The following CTNNA2 variants were observed in gnomAD, a reference collection of about 807,000 sequenced individuals.
CTNNA2 encodes catenin alpha-2.
A neutral mutation model predicts 101.0 loss-of-function variants in CTNNA2; 42 were observed. That is an observed-to-expected ratio of 0.42 (90% CI 0.32 to 0.54). The LOEUF (loss-of-function observed/expected upper bound fraction) is 0.54. Ranked by LOEUF, CTNNA2 falls within the 20% of genes least tolerant of loss-of-function variation. CTNNA2 has a pLI of 0.14. For synonymous variants in CTNNA2, 450 were observed against 456.4 expected (o/e 0.99, Z 0.18); for missense variants, 871 against 1,223.1 (o/e 0.71, Z 4.29).
At chr2:79,563,559 G>A (rs1379758070) in intron 1 of CTNNA2, among the ~76,000 whole-genome samples, 2 of 152,188 alleles carry the variant, frequency 1.3e-5, no homozygotes, top group Admixed American at 1.3e-4. Flanking sequence ...GTAGGAGTTT[G>A]GGTGGGGCAG....
chr2:79,984,316 G>A (rs1053362680), intron 7 of CTNNA2, among the ~76,000 whole-genome samples: 1 of 152,174 alleles, frequency 6.6e-6, no homozygotes, highest in South Asian at 2.1e-4. Context: ...GCAAGTTAGT[G>A]TTGTTCTGAG....
At chr2:79,292,241 G>T (rs4349372) in intron 2 of CTNNA2, among the ~76,000 whole-genome samples, 2 of 152,002 alleles carry the variant, frequency 1.3e-5, no homozygotes, top group Non-Finnish European at 1.5e-5. Context: ...AGCAGTGTTG[G>T]CTGTGGCAGT....
At chr2:79,256,428 A>G (rs1410118413) in intron 2 of CTNNA2, among the ~76,000 whole-genome samples, 1 of 152,244 alleles carries the variant, frequency 6.6e-6, no homozygotes, top group African/African-American at 2.4e-5. Flanking sequence ...CTCATAGCAG[A>G]CAGTCACTAA....
intron 7 of CTNNA2, among the ~76,000 whole-genome samples, chr2:80,120,111 T>C (rs922580535): frequency 1.3e-5 from 2 of 152,156 alleles, no homozygotes; most frequent in African/African-American, 4.8e-5. Context: ...TAGATCGAAG[T>C]TCCTCAGTGC....
intron 1 of CTNNA2, among the ~76,000 whole-genome samples, chr2:79,645,755 A>G (rs1196918704): frequency 6.6e-6 from 1 of 152,220 alleles, no homozygotes; most frequent in Non-Finnish European, 1.5e-5. Context: ...TTTTCAGAAC[A>G]AATCTTTTAA....
chr2:79,587,449 A>T (rs184215427), intron 1 of CTNNA2, among the ~76,000 whole-genome samples: 1 of 152,002 alleles, frequency 6.6e-6, no homozygotes, highest in African/African-American at 2.4e-5. Context: ...ACTGTGCTGA[A>T]TGCTGCCCAT....
rs553663342 is a variant in CTNNA2, at chr2:79,980,895, T to G, written c.1056+71098T>G. ...ATTCATTTTGCTCATCGTTTACAAATCAACAAAGAAACAATTCTTTCTTTC... is the reference window on the plus strand; with the variant it reads ...ATTCATTTTGCTCATCGTTTACAAAGCAACAAAGAAACAATTCTTTCTTTC... On this transcript the variant is annotated intron_variant, in intron 7 of 18. Coordinates refer to ENST00000402739, the MANE Select transcript of CTNNA2 (RefSeq NM_001282597.3). 5.3e-5 allele frequency among the ~76,000 whole-genome samples: 8 copies of G among 152,260 alleles called. No individual in the cohort carries two copies. In the South Asian group the frequency reaches 1.7e-3, roughly 32 times the overall value.
intron 17 of CTNNA2, among the ~76,000 whole-genome samples, chr2:80,614,667 G>T (rs747996027): frequency 6.6e-6 from 1 of 151,334 alleles, no homozygotes; most frequent in Admixed American, 6.6e-5. Context: ...TTCATTCCAA[G>T]ATTTTTTTTA....
intron 7 of CTNNA2, among the ~76,000 whole-genome samples, chr2:80,148,607 G>C (rs982107839): frequency 2.0e-5 from 3 of 152,222 alleles, no homozygotes; most frequent in Admixed American, 6.5e-5. Flanking sequence ...TTTATTTTAA[G>C]AGATTTGATT....
chr2:79,782,166 A>G (rs1310508616), intron 3 of CTNNA2, among the ~76,000 whole-genome samples: 2 of 152,186 alleles, frequency 1.3e-5, no homozygotes, highest in African/African-American at 4.8e-5. Flanking sequence ...TATATATAAA[A>G]TGAAAATTAA....
intron 7 of CTNNA2, among the ~76,000 whole-genome samples, chr2:80,006,546 C>G (rs748795150): frequency 6.6e-6 from 1 of 151,934 alleles, no homozygotes; most frequent in Non-Finnish European, 1.5e-5. Flanking sequence ...TCTCGAACTC[C>G]TGACCTCAGG....
At chr2:79,520,469 A>G (rs1672043658) in intron 1 of CTNNA2, among the ~76,000 whole-genome samples, 1 of 152,192 alleles carries the variant, frequency 6.6e-6, no homozygotes, top group Admixed American at 6.5e-5. Context: ...TAGGACCCAA[A>G]AAGCACTAAT....
At chr2:79,711,748 C>T (rs1326867725) in intron 2 of CTNNA2, among the ~76,000 whole-genome samples, 3 of 152,022 alleles carry the variant, frequency 2.0e-5, no homozygotes, top group African/African-American at 7.3e-5. Context: ...GCTTTGTTGG[C>T]TGTATAGTTT....
rs79431102 is a variant in CTNNA2, at chr2:80,237,915, G to A, written c.1057-155296G>A. 7.4e-3 allele frequency among the ~76,000 whole-genome samples: 1,120 copies of A among 152,124 alleles called. 5 individuals are homozygous for A. Among genetic ancestry groups the A allele is most frequent in the African/African-American group, 0.025 (1,041 of 41,488 alleles). On this transcript the variant is annotated intron_variant, in intron 7 of 18. Transcript: ENST00000402739. ...GACCCTCTCCTAAGGTGCTCATTCTGGATACCCAGTTGGTGACAACTCTTC... is the reference window on the plus strand; with the variant it reads ...GACCCTCTCCTAAGGTGCTCATTCTAGATACCCAGTTGGTGACAACTCTTC...
intron 2 of CTNNA2, among the ~76,000 whole-genome samples, chr2:79,711,717 G>T (rs1685752565): frequency 6.6e-6 from 1 of 152,100 alleles, no homozygotes; most frequent in South Asian, 2.1e-4. Context: ...TCTGTAAAGG[G>T]TCAGATAGTG....
intron 1 of CTNNA2, among the ~76,000 whole-genome samples, chr2:79,569,335 G>A (rs1198912580): frequency 6.6e-6 from 1 of 152,080 alleles, no homozygotes; most frequent in Non-Finnish European, 1.5e-5. Context: ...GGGGTCTTGA[G>A]GTATGAATGC....
chr2:80,634,451 G>A (rs549511872), intron 18 of CTNNA2, among the ~76,000 whole-genome samples: 32 of 151,652 alleles, frequency 2.1e-4, no homozygotes, highest in Non-Finnish European at 3.7e-4. Flanking sequence ...TTTCTGAGCA[G>A]TAAACAAGAA....
chr2:79,204,997 A>G (rs763848026), intron 2 of CTNNA2, among the ~76,000 whole-genome samples: 1 of 152,262 alleles, frequency 6.6e-6, no homozygotes, highest in Non-Finnish European at 1.5e-5. Context: ...CACTAGAGCA[A>G]TAGCCATCAG....
At chr2:80,639,281 C>T (rs2149849585) in intron 18 of CTNNA2, among the ~76,000 whole-genome samples, 1 of 152,308 alleles carries the variant, frequency 6.6e-6, no homozygotes, top group South Asian at 2.1e-4. Flanking sequence ...TCCATCTCAG[C>T]TCACTACAAC....
Sources: allele counts gnomAD v4.1 joint callset (sites outside exome capture counted in the v4.1 genomes callset), GRCh38; gene constraint gnomAD v4.1.1; transcripts MANE v1.5; gene names NCBI Gene and HGNC (gene_info 2026-07-23, HGNC 2026-07-21).